Variants in PATL1 observed in about 807,000 individuals in gnomAD.
PATL1 encodes protein PAT1 homolog 1.
In PATL1, 32 loss-of-function variants were observed where a neutral mutation model predicts 100.6. That is an observed-to-expected ratio of 0.32 (90% confidence interval 0.24 to 0.43). The LOEUF (loss-of-function observed/expected upper bound fraction) is 0.43. Ranked by LOEUF, PATL1 falls within the 20% of genes least tolerant of loss-of-function variation. The pLI is 1.00. For missense variants in PATL1, 747 were observed against 949.9 expected, an observed-to-expected ratio of 0.79 and a Z score of 2.81; for synonymous variants, 332 against 330.0, an observed-to-expected ratio of 1.01 and a Z score of -0.07.
intron 16 of PATL1, among the ~76,000 whole-genome samples, chr11:59,640,438 G>C (rs1044741224): frequency 6.6e-6 from 1 of 152,048 alleles, no homozygotes; most frequent in Non-Finnish European, 1.5e-5. Flanking sequence ...TTAAAATATG[G>C]GACGGGCGTG....
chr11:59,637,738 CTTTA>C lies in PATL1; in HGVS notation c.*648_*651del, dbSNP rs1199101079. On this transcript the variant is annotated 3_prime_UTR_variant, in exon 19 of 19. Transcript: ENST00000300146. ...GATTTTATTAAACGTGCTGCATACT[CTTTA>C]TTTATGTTAAAACAAGTAGAACCCA... 1 of 152,378 alleles carries C rather than the reference CTTTA, an allele frequency of 6.6e-6. No homozygotes were observed. The highest frequency in any genetic ancestry group is 1.5e-5 in the Non-Finnish European group (1 of 68,172). 9.4% of individuals were successfully genotyped at this position (152,378 alleles called of 1,614,324 possible).
At chr11:59,643,678 T>C (rs554667546) in intron 15 of PATL1, among the ~76,000 whole-genome samples, 2 of 152,254 alleles carry the variant, frequency 1.3e-5, no homozygotes, top group Admixed American at 1.3e-4. Flanking sequence ...GGTGACAGGG[T>C]GAGACCCACC....
At chr11:59,657,442 C>T in intron 5 of PATL1, 88 bp downstream of exon 5, 1 of 1,258,146 alleles carries the variant, frequency 7.9e-7, no homozygotes, top group Non-Finnish European at 1.1e-6. Context: ...CCCAAAATTT[C>T]CACCCTCCAC....
intron 2 of PATL1, among the ~76,000 whole-genome samples, chr11:59,662,595 TG>T (rs1391521006): frequency 6.6e-6 from 1 of 152,206 alleles, no homozygotes; most frequent in Non-Finnish European, 1.5e-5. Flanking sequence ...GTGTCATCCT[TG>T]GTAAGGAACA....
At position 59,655,719 on chromosome 11, in the gene PATL1, G is replaced by C; in HGVS notation, c.835C>G (p.Pro279Ala). The C allele has an allele frequency of 6.3e-7, 1 of 1,597,630 alleles. No homozygotes were observed. Among genetic ancestry groups the C allele is most frequent in the Non-Finnish European group, 8.5e-7 (1 of 1,172,018 alleles). The change falls in exon 8 of 19, where the codon CCC becomes GCC. Residue 279 changes from proline to alanine, a missense_variant. Physicochemically the swap from Pro to Ala is conservative, Grantham distance 27 (BLOSUM62 -1). Around this residue, in one of 4 missense-constraint regions of PATL1, gnomAD observed 127 missense variants for 116.0 expected, o/e 1.09. Coordinates refer to ENST00000300146, the MANE Select transcript of PATL1 (RefSeq NM_152716.3). ...CCAGGGACCCGTGCAAACTGGCTGG[G>C]AGACATCCGTCCAGGCTGTAGCTAC... ...GAQLQPGRMS[P>A]SQFARVPGFV...
At chr11:59,664,263 T>A (rs575682926) in intron 2 of PATL1, among the ~76,000 whole-genome samples, 11 of 152,076 alleles carry the variant, frequency 7.2e-5, no homozygotes, top group Non-Finnish European at 1.2e-4. Flanking sequence ...TTCCGGACAC[T>A]CTAACATCCT....
intron 2 of PATL1, among the ~76,000 whole-genome samples, 168 bp from the exon 3 acceptor site, chr11:59,659,637 T>C (rs1861601354): frequency 6.6e-6 from 1 of 151,880 alleles, no homozygotes; most frequent in Admixed American, 6.6e-5. Context: ...GTTCAAGCAA[T>C]TCTCTGCGTC....
intron 8 of PATL1, among the ~76,000 whole-genome samples, chr11:59,654,815 G>C (rs1405451227): frequency 1.3e-5 from 2 of 152,156 alleles, no homozygotes; most frequent in Non-Finnish European, 2.9e-5. Context: ...GTAAAGATGT[G>C]ATTAACATTT....
chr11:59,667,468 C>G (rs376695754), intron 1 of PATL1, among the ~76,000 whole-genome samples: 1 of 152,148 alleles, frequency 6.6e-6, no homozygotes, highest in East Asian at 1.9e-4. Flanking sequence ...GGCCTAAACT[C>G]TAGTGATGAA....
chr11:59,650,721 G>A lies in PATL1; in HGVS notation c.1584+33C>T, dbSNP rs138474380. 5.4e-3 allele frequency: 7,936 copies of A among 1,469,404 alleles called. 30 individuals carry two copies. Among genetic ancestry groups the A allele is most frequent in the Non-Finnish European group, 6.5e-3 (7,070 of 1,079,614 alleles). 91.0% of individuals were successfully genotyped at this position (1,469,404 alleles called of 1,614,324 possible). On this transcript the variant is annotated intron_variant, in intron 13 of 18. Transcript: ENST00000300146. Reference sequence around the variant, plus strand: ...ACATACATTTGACAGTTCCGTATTTGAAACTAACTACAGCAACAAATTCTA... The same window carrying A: ...ACATACATTTGACAGTTCCGTATTTAAAACTAACTACAGCAACAAATTCTA...
chr11:59,661,392 T>C (rs1288270348), intron 2 of PATL1, among the ~76,000 whole-genome samples: 1 of 150,580 alleles, frequency 6.6e-6, no homozygotes, highest in African/African-American at 2.5e-5. Context: ...GGCCTTTCTT[T>C]TCAGGTATTC....
intron 2 of PATL1, among the ~76,000 whole-genome samples, chr11:59,661,202 C>T (rs1290297427): frequency 1.3e-5 from 2 of 152,182 alleles, no homozygotes; most frequent in African/African-American, 4.8e-5. Flanking sequence ...CCCCCAACCT[C>T]AGCCTCCCAA....
At chr11:59,658,306 T>C (rs923275507) in intron 4 of PATL1, among the ~76,000 whole-genome samples, 5 of 152,066 alleles carry the variant, frequency 3.3e-5, no homozygotes, top group Admixed American at 3.3e-4. Context: ...TCCCTATAGT[T>C]TTGCATAGAA....
At chr11:59,638,934 G>A (rs1861232450) in intron 18 of PATL1, 114 bp downstream of exon 18, 1 of 1,189,150 alleles carries the variant, frequency 8.4e-7, no homozygotes, top group African/African-American at 1.5e-5. Flanking sequence ...CCACCCTCCT[G>A]GGTGTCCTAA....
In PATL1 at chr11:59,652,762, A is replaced by G. The variant is rs564713898; in HGVS notation, c.1302+76T>C. 1.4e-4 allele frequency: 218 copies of G among 1,506,004 alleles called. No individual in the cohort carries two copies. In the African/African-American group the frequency reaches 3.0e-3, roughly 20 times the overall value. The allele number at this position is 1,506,004 out of a possible 1,614,324, so 93.3% of individuals were successfully genotyped here. A position where few individuals can be genotyped will look rare whatever the true frequency, so the allele number is the denominator to read the frequency against. Reference sequence around the variant, plus strand: ...GAAAATTTTACAAATATTTAATTGTACCAATATTTAAATGAATACCCTCAC... The same window carrying G: ...GAAAATTTTACAAATATTTAATTGTGCCAATATTTAAATGAATACCCTCAC... On this transcript the variant is annotated intron_variant, in intron 10 of 18. Transcript: ENST00000300146.
At chr11:59,654,371 G>A (rs1861491843) in intron 8 of PATL1, among the ~76,000 whole-genome samples, 1 of 151,812 alleles carries the variant, frequency 6.6e-6, no homozygotes, top group Non-Finnish European at 1.5e-5. Flanking sequence ...CAGCTACTTG[G>A]GAGGCTGAGG....
At chr11:59,657,810 G>GA in intron 4 of PATL1, 86 bp from the exon 5 acceptor site, 1 of 1,032,516 alleles carries the variant, frequency 9.7e-7, no homozygotes, top group East Asian at 3.0e-5. Flanking sequence ...AATACCTTAA[G>GA]AAATTTTTTT....
At chr11:59,653,901 AAAC>A (rs1286655930) in intron 9 of PATL1, 79 bp downstream of exon 9, 12 of 1,285,128 alleles carry the variant, frequency 9.3e-6, no homozygotes, top group South Asian at 1.3e-5. Flanking sequence ...AAAAAAAACA[AAAC>A]AACTAAATAG....
At chr11:59,656,682 T>C in intron 5 of PATL1, 82 bp from the exon 6 acceptor site, 2 of 1,204,852 alleles carry the variant, frequency 1.7e-6, no homozygotes, top group Non-Finnish European at 2.4e-6. Context: ...CAAGTACTGG[T>C]AGAGACACGA....
Sources: gnomAD v4.1 joint callset for allele counts (sites outside exome capture counted in the v4.1 genomes callset) on GRCh38, gnomAD v4.1.1 for gene constraint, gnomAD v4.1.1 regional missense constraint, MANE v1.5 for transcripts, NCBI Gene and HGNC (gene_info 2026-07-23, HGNC 2026-07-21) for gene names.